Variants in UVRAG observed in about 807,000 individuals in gnomAD.
The protein encoded by UVRAG is UV radiation resistance-associated gene protein.
A neutral mutation model predicts 78.0 loss-of-function variants in UVRAG; 19 were observed. The observed-to-expected ratio is 0.24, with a 90% CI of 0.17 to 0.36. The LOEUF (loss-of-function observed/expected upper bound fraction) is 0.36. UVRAG is among the 10% of genes least tolerant of loss of function. UVRAG has a pLI of 1.00. For synonymous variants in UVRAG, 323 were observed against 324.6 expected (o/e 1.00, Z 0.05); for missense variants, 740 against 853.8 (o/e 0.87, Z 1.66).
intron 14 of UVRAG, among the ~76,000 whole-genome samples, chr11:76,120,796 A>G (rs1003954978): frequency 1.3e-5 from 2 of 152,250 alleles, no homozygotes; most frequent in Non-Finnish European, 2.9e-5. Context: ...CGGAGCAAGC[A>G]CTTTGAGTCT....
intron 11 of UVRAG, among the ~76,000 whole-genome samples, chr11:76,016,255 C>A (rs1304091946): frequency 6.6e-6 from 1 of 152,126 alleles, no homozygotes; most frequent in Non-Finnish European, 1.5e-5. Context: ...AAAGCATTTT[C>A]CCCCTTAACC....
At chr11:75,964,256 G>A (rs1022337313) in intron 7 of UVRAG, among the ~76,000 whole-genome samples, 4 of 152,118 alleles carry the variant, frequency 2.6e-5, no homozygotes, top group Non-Finnish European at 4.4e-5. Context: ...GACGTTGGCC[G>A]CAACTCACTT....
At chr11:75,842,377 A>G (rs1325621784) in intron 1 of UVRAG, among the ~76,000 whole-genome samples, 1 of 151,676 alleles carries the variant, frequency 6.6e-6, no homozygotes, top group Non-Finnish European at 1.5e-5. Context: ...GTGATTATAC[A>G]TCTTTTCACA....
chr11:76,055,676 T>C (rs1247256904), intron 12 of UVRAG, among the ~76,000 whole-genome samples: 1 of 152,244 alleles, frequency 6.6e-6, no homozygotes, highest in African/African-American at 2.4e-5. Context: ...TGGTTCTTTT[T>C]TCTTTTGAGG....
Position 75,879,886 on chromosome 11 carries a change from C to A in UVRAG, c.278C>A (p.Thr93Lys). ...TTTCATTTTCATGAGCAGAATCCCA[C>A]GTGGCGAAGTCTCGATTTTGGAATT... ...SEVIKNSLNP[T>K]WRSLDFGIMP... The change falls in exon 4 of 15, where the codon ACG (threonine) becomes AAG (lysine). Residue 93 changes from threonine (T) to lysine (K), a missense_variant. Physicochemically the swap from Thr to Lys is moderately conservative, Grantham distance 78. Transcript: ENST00000356136. 6.2e-7 allele frequency: 1 copy of A among 1,613,838 alleles called. No individual in the cohort carries two copies. The highest frequency in any genetic ancestry group is 1.3e-5 in the African/African-American group (1 of 75,044).
intron 1 of UVRAG, among the ~76,000 whole-genome samples, chr11:75,847,610 G>A (rs1243221870): frequency 2.6e-5 from 4 of 152,026 alleles, no homozygotes; most frequent in African/African-American, 4.8e-5. Flanking sequence ...CCAGACCTAG[G>A]GCACAAGAGG....
chr11:76,007,735 G>A, intron 10 of UVRAG, 114 bp downstream of exon 10: 2 of 779,812 alleles, frequency 2.6e-6, no homozygotes, highest in Non-Finnish European at 4.2e-6. Context: ...GCTCTGTCAT[G>A]ATTCATTCAG....
At chr11:76,014,688 T>C (rs1418680980) in intron 11 of UVRAG, among the ~76,000 whole-genome samples, 1 of 152,250 alleles carries the variant, frequency 6.6e-6, no homozygotes, top group African/African-American at 2.4e-5. Context: ...TCATAGTTTC[T>C]ACCTATGTGG....
intron 12 of UVRAG, among the ~76,000 whole-genome samples, chr11:76,062,910 A>C (rs986621738): frequency 6.6e-6 from 1 of 152,172 alleles, no homozygotes; most frequent in Non-Finnish European, 1.5e-5. Flanking sequence ...CCCAGAACTG[A>C]ACATAGGTCT....
At chr11:76,135,280 T>C (rs1952580411) in intron 14 of UVRAG, among the ~76,000 whole-genome samples, 1 of 152,184 alleles carries the variant, frequency 6.6e-6, no homozygotes, top group Admixed American at 6.5e-5. Context: ...ACAGTCCTTC[T>C]TGTCGCCACT....
chr11:76,082,539 CAAA>C lies in UVRAG; in HGVS notation c.1305+16769_1305+16771del, dbSNP rs5792708. On this transcript the variant is annotated intron_variant, in intron 13 of 14. Transcript: ENST00000356136. The stretch of plus-strand genomic sequence containing the variant: ...TGGGCAACAGAGCGAGACTCCGTCC[CAAA>C]AAAAAAAAAAAAAAAAACATAGGTA... Among the ~76,000 whole-genome samples, 11 of 101,686 alleles carry C rather than the reference CAAA, an allele frequency of 1.1e-4. No individual in the cohort carries two copies. In the South Asian group the frequency reaches 3.9e-3, roughly 36 times the overall value. 66.7% of individuals were successfully genotyped at this position (101,686 alleles called of 152,430 possible). A position where few individuals can be genotyped will look rare whatever the true frequency, so the allele number is the denominator to read the frequency against.
At chr11:75,978,810 G>A (rs985682788) in intron 7 of UVRAG, among the ~76,000 whole-genome samples, 11 of 152,238 alleles carry the variant, frequency 7.2e-5, no homozygotes, top group Admixed American at 1.3e-4. Context: ...AGATGGGTTC[G>A]AACATCCTCC....
At chr11:76,037,636 TG>T (rs1331431133) in intron 12 of UVRAG, among the ~76,000 whole-genome samples, 2 of 151,360 alleles carry the variant, frequency 1.3e-5, no homozygotes, top group Non-Finnish European at 2.9e-5. Context: ...CACTTGAGCC[TG>T]GGAGGTTGAG....
chr11:75,852,032 A>G (rs1946164122), intron 2 of UVRAG, 32 bp downstream of exon 2: 1 of 1,438,988 alleles, frequency 6.9e-7, no homozygotes, highest in Non-Finnish European at 9.5e-7. Flanking sequence ...CTACCCACAG[A>G]TTGTTATATT....
chr11:76,002,049 C>A lies in UVRAG; in HGVS notation c.827-1956C>A, dbSNP rs112179391. ...GACATCATTGCTTCCAGATGTGATA[C>A]CCTTAGAAGGACACAACATCAGTCA... On this transcript the variant is annotated intron_variant, in intron 8 of 14. Transcript: ENST00000356136. Among the ~76,000 whole-genome samples the A allele has an allele frequency of 1.6e-3, 242 of 152,252 alleles. 1 individual carries two copies. Among genetic ancestry groups the A allele is most frequent in the African/African-American group, 5.6e-3 (231 of 41,530 alleles).
chr11:75,957,307 A>T (rs1948818422), intron 6 of UVRAG, among the ~76,000 whole-genome samples: 1 of 152,008 alleles, frequency 6.6e-6, no homozygotes, highest in African/African-American at 2.4e-5. Flanking sequence ...ACCTTTGTTT[A>T]AAAAACTTTG....
rs563239156 is a variant in UVRAG at position 75,927,866 on chromosome 11, T to A, written c.593+15827T>A. ...CAGAATCATGTAGAGTTTTATTTTT[T>A]TTCCAAGCATGATAAGAAGTTGTTG... is the stretch of plus-strand genomic sequence containing the variant. On this transcript the variant is annotated intron_variant, in intron 6 of 14. Transcript: ENST00000356136. Among the ~76,000 whole-genome samples the A allele has an allele frequency of 5.9e-5, 9 of 152,284 alleles. No homozygotes were observed. The South Asian group carries it at 1.2e-3, about 21-fold the overall frequency.
chr11:75,992,507 G>A (rs942706797), intron 8 of UVRAG, among the ~76,000 whole-genome samples: 14 of 152,186 alleles, frequency 9.2e-5, no homozygotes, highest in African/African-American at 3.4e-4. Context: ...ATAAGTAGGA[G>A]AAAGAGTGCT....
intron 13 of UVRAG, among the ~76,000 whole-genome samples, chr11:76,094,747 T>C (rs774593368): frequency 2.0e-5 from 3 of 152,242 alleles, no homozygotes; most frequent in Non-Finnish European, 2.9e-5. Flanking sequence ...GTTTCTTCTC[T>C]CTTTTCTTCT....
Sources: allele counts gnomAD v4.1 joint callset (sites outside exome capture counted in the v4.1 genomes callset), GRCh38; gene constraint gnomAD v4.1.1; transcripts MANE v1.5; gene names NCBI Gene and HGNC (gene_info 2026-07-23, HGNC 2026-07-21).